The following SNX30 variants were observed in gnomAD, a reference collection of about 807,000 sequenced individuals.
SNX30 encodes sorting nexin-30.
In SNX30, 24 loss-of-function variants were observed where a neutral mutation model predicts 46.4. The observed-to-expected ratio is 0.52, with a 90% CI of 0.37 to 0.73. SNX30 has a LOEUF of 0.73. Ranked by LOEUF, SNX30 falls within the 30% of genes least tolerant of loss-of-function variation. The pLI, the probability that SNX30 is intolerant of heterozygous loss-of-function variation, is 0.00. For synonymous variants in SNX30, 189 were observed against 211.5 expected, an observed-to-expected ratio of 0.89 and a Z score of 0.92; for missense variants, 533 against 555.7, an observed-to-expected ratio of 0.96 and a Z score of 0.41.
At chr9:112,861,080 A>G (rs746895660) in intron 7 of SNX30, among the ~76,000 whole-genome samples, 10 of 152,250 alleles carry the variant, frequency 6.6e-5, no homozygotes, top group Non-Finnish European at 1.0e-4. Context: ...CTGACTGCCC[A>G]GAAACAAAGG....
At chr9:112,777,351 G>A (rs998820322) in intron 1 of SNX30, among the ~76,000 whole-genome samples, 4 of 151,874 alleles carry the variant, frequency 2.6e-5, no homozygotes, top group South Asian at 2.1e-4. Context: ...TTTCACTGGC[G>A]GGATTCTGTA....
At chr9:112,807,713 A>G (rs1840252671) in intron 2 of SNX30, among the ~76,000 whole-genome samples, 1 of 152,026 alleles carries the variant, frequency 6.6e-6, no homozygotes, top group Non-Finnish European at 1.5e-5. Flanking sequence ...CAGCTTCTTG[A>G]TTTTTCTGCC....
At chr9:112,780,671 G>T (rs771606165) in intron 1 of SNX30, among the ~76,000 whole-genome samples, 1 of 152,184 alleles carries the variant, frequency 6.6e-6, no homozygotes, top group Non-Finnish European at 1.5e-5. Context: ...CATCTGCACA[G>T]CATTTGTCTG....
chr9:112,760,316 G>T (rs979192194), intron 1 of SNX30, among the ~76,000 whole-genome samples: 6 of 152,200 alleles, frequency 3.9e-5, no homozygotes, highest in Non-Finnish European at 7.3e-5. Flanking sequence ...GGCAGCCGCT[G>T]CCAGTGGCAC....
chr9:112,848,475 A>G (rs1840973313), intron 6 of SNX30, among the ~76,000 whole-genome samples: 1 of 152,206 alleles, frequency 6.6e-6, no homozygotes, highest in Non-Finnish European at 1.5e-5. Flanking sequence ...GCAAAGCCAC[A>G]TGCTGGAAGG....
At chr9:112,829,693 C>T (rs1282253264) in intron 3 of SNX30, among the ~76,000 whole-genome samples, 1 of 152,212 alleles carries the variant, frequency 6.6e-6, no homozygotes. Context: ...AGTGGCTGCA[C>T]ATTTTACATT....
At chr9:112,781,649 T>C (rs1423510660) in intron 1 of SNX30, among the ~76,000 whole-genome samples, 1 of 152,132 alleles carries the variant, frequency 6.6e-6, no homozygotes, top group Non-Finnish European at 1.5e-5. Context: ...TTTTTTTTTT[T>C]AAGACAGATT....
chr9:112,805,079 G>T (rs1262858915), intron 2 of SNX30, 112 bp downstream of exon 2: 2 of 645,766 alleles, frequency 3.1e-6, no homozygotes, highest in East Asian at 5.8e-5. Flanking sequence ...TGTTCACCTT[G>T]ATTGCAATTG....
At chr9:112,839,813 T>G (rs1392102418) in intron 6 of SNX30, among the ~76,000 whole-genome samples, 4 of 152,172 alleles carry the variant, frequency 2.6e-5, no homozygotes, top group African/African-American at 7.2e-5. Flanking sequence ...TGACCTGAAT[T>G]CCAGAGAGAA....
At chr9:112,882,251 C>A (rs182704822), downstream of SNX30, among the ~76,000 whole-genome samples, 23 of 152,240 alleles carry the variant, frequency 1.5e-4, 1 homozygote, top group Admixed American at 1.2e-3. Flanking sequence ...GGACTACAGG[C>A]ATGCACCACA....
At chr9:112,761,721 A>G (rs1653961508) in intron 1 of SNX30, among the ~76,000 whole-genome samples, 1 of 152,130 alleles carries the variant, frequency 6.6e-6, no homozygotes, top group Non-Finnish European at 1.5e-5. Context: ...GTGCGAGTGA[A>G]GTGTAAAGAT....
At chr9:112,771,465 A>G (rs904000406) in intron 1 of SNX30, among the ~76,000 whole-genome samples, 10 of 152,188 alleles carry the variant, frequency 6.6e-5, no homozygotes, top group Non-Finnish European at 1.2e-4. Flanking sequence ...AAATGTATAA[A>G]TCGTGTATAG....
rs1588114116 is a variant in SNX30 at position 112,781,721 on chromosome 9, T to C, written c.157-23055T>C. 2.0e-5 allele frequency among the ~76,000 whole-genome samples: 3 copies of C among 152,254 alleles called. No individual in the cohort carries two copies. The South Asian group carries it at 6.2e-4, about 32-fold the overall frequency. On this transcript the variant is annotated intron_variant, in intron 1 of 8. Coordinates refer to ENST00000374232, the MANE Select transcript of SNX30 (RefSeq NM_001012994.2). Reference sequence around the variant, plus strand: ...ATCTGGGCTCACTGTAATGTCCACCTCTCAGGTTCAGGGGATTCCCATGCC... The same window carrying C: ...ATCTGGGCTCACTGTAATGTCCACCCCTCAGGTTCAGGGGATTCCCATGCC...
intron 6 of SNX30, among the ~76,000 whole-genome samples, chr9:112,841,927 C>T (rs556019139): frequency 1.1e-4 from 16 of 152,180 alleles, no homozygotes; most frequent in Non-Finnish European, 2.1e-4. Context: ...GAGGACTTGC[C>T]ACAGGCCTGG....
intron 7 of SNX30, among the ~76,000 whole-genome samples, chr9:112,859,613 C>T (rs1227335841): frequency 6.6e-6 from 1 of 152,098 alleles, no homozygotes; most frequent in East Asian, 1.9e-4. Context: ...TTCTTACCAA[C>T]GCTTATCTAT....
chr9:112,798,107 G>GTTTTTTT (rs58014041), intron 1 of SNX30, among the ~76,000 whole-genome samples: 1 of 81,098 alleles, frequency 1.2e-5, no homozygotes, highest in African/African-American at 4.8e-5. Context: ...GTTGAGGTTT[G>GTTTTTTT]TTTTTTTTTT....
chr9:112,846,335 G>C (rs1050830851), intron 6 of SNX30, among the ~76,000 whole-genome samples: 2 of 152,172 alleles, frequency 1.3e-5, no homozygotes, highest in Non-Finnish European at 2.9e-5. Flanking sequence ...TCCAAATTTT[G>C]TGTAAAAATA....
chr9:112,865,677 A>G (rs1264203856), intron 8 of SNX30, among the ~76,000 whole-genome samples: 2 of 124,070 alleles, frequency 1.6e-5, no homozygotes, highest in African/African-American at 3.1e-5. Flanking sequence ...GTATGTATGC[A>G]CACACACACA....
intron 8 of SNX30, 113 bp from the exon 9 acceptor site, chr9:112,868,671 G>C: frequency 9.0e-7 from 1 of 1,109,288 alleles, no homozygotes; most frequent in Non-Finnish European, 1.4e-6. Context: ...GGCATCATTA[G>C]ACAAAGGTAA....
Sources: allele counts gnomAD v4.1 joint callset (sites outside exome capture counted in the v4.1 genomes callset), GRCh38; gene constraint gnomAD v4.1.1; transcripts MANE v1.5; gene names NCBI Gene and HGNC (gene_info 2026-07-23, HGNC 2026-07-21).